CTNNA2: variants seen among roughly 807,000 people sequenced by gnomAD.
CTNNA2 encodes catenin alpha 2.
In CTNNA2, 42 loss-of-function variants were observed where a neutral mutation model predicts 101.0. The ratio of observed to expected loss-of-function variants is 0.42; its 90% confidence interval spans 0.32 to 0.54. The LOEUF is 0.54. CTNNA2 is among the 20% of genes least tolerant of loss of function. The pLI, the probability that CTNNA2 is intolerant of heterozygous loss-of-function variation, is 0.14. For synonymous variants in CTNNA2, 450 were observed against 456.4 expected, an observed-to-expected ratio of 0.99 and a Z score of 0.18; for missense variants, 871 against 1,223.1, an observed-to-expected ratio of 0.71 and a Z score of 4.29.
intron 12 of CTNNA2, among the ~76,000 whole-genome samples, chr2:80,568,310 T>A (rs915748528): frequency 2.6e-5 from 4 of 152,226 alleles, no homozygotes; most frequent in African/African-American, 9.6e-5. Context: ...CTACTCACTT[T>A]GTCCGTGAAA....
chr2:79,256,752 C>T (rs1367645270), intron 2 of CTNNA2, among the ~76,000 whole-genome samples: 1 of 152,142 alleles, frequency 6.6e-6, no homozygotes, highest in Non-Finnish European at 1.5e-5. Context: ...AGTCACTGCC[C>T]AGTTCTTCAA....
chr2:80,106,127 C>T (rs975581970), intron 7 of CTNNA2, among the ~76,000 whole-genome samples: 6 of 152,122 alleles, frequency 3.9e-5, no homozygotes, highest in African/African-American at 1.2e-4. Flanking sequence ...TTAACTGAGT[C>T]GTTGTATGTA....
chr2:80,324,828 C>T (rs1467486328), intron 7 of CTNNA2, among the ~76,000 whole-genome samples: 1 of 152,022 alleles, frequency 6.6e-6, no homozygotes, highest in Non-Finnish European at 1.5e-5. Flanking sequence ...TATGAATGCC[C>T]TTCCTCCCAT....
At chr2:80,379,777 C>T (rs1444532836) in intron 7 of CTNNA2, among the ~76,000 whole-genome samples, 1 of 152,038 alleles carries the variant, frequency 6.6e-6, no homozygotes, top group Non-Finnish European at 1.5e-5. Context: ...GGAAAATTTC[C>T]ATGCCCTACC....
At chr2:80,235,628 C>T (rs1174310989) in intron 7 of CTNNA2, among the ~76,000 whole-genome samples, 1 of 152,118 alleles carries the variant, frequency 6.6e-6, no homozygotes, top group Non-Finnish European at 1.5e-5. Flanking sequence ...GGGATCACTC[C>T]CATTTGCCTG....
At chr2:79,383,437 G>A (rs951987834) in intron 4 of CTNNA2, among the ~76,000 whole-genome samples, 8 of 152,174 alleles carry the variant, frequency 5.3e-5, no homozygotes, top group Non-Finnish European at 8.8e-5. Flanking sequence ...CATGGGACTG[G>A]GGGAGGGTGA....
intron 3 of CTNNA2, among the ~76,000 whole-genome samples, chr2:79,835,682 T>TTTTTTTTTTGTTTGTTTG (rs1679296548): frequency 2.3e-5 from 3 of 128,890 alleles, no homozygotes; most frequent in African/African-American, 9.4e-5. Context: ...TTTTTTTTTT[T>TTTTTTTTTTGTTTGTTTG]TTTTTTTTTT....
intron 4 of CTNNA2, among the ~76,000 whole-genome samples, chr2:79,465,778 C>T (rs532167575): frequency 1.7e-5 from 2 of 120,720 alleles, no homozygotes; most frequent in South Asian, 5.8e-4. Context: ...ATTTGGCTCT[C>T]TGTTTGTTTG....
chr2:79,737,317 C>T (rs1384306532), intron 2 of CTNNA2, among the ~76,000 whole-genome samples: 1 of 151,390 alleles, frequency 6.6e-6, no homozygotes, highest in Non-Finnish European at 1.5e-5. Flanking sequence ...CCACCACTCT[C>T]CAGCCTGGGC....
intron 3 of CTNNA2, among the ~76,000 whole-genome samples, chr2:79,800,918 A>G (rs1417446030): frequency 6.6e-6 from 1 of 152,186 alleles, no homozygotes; most frequent in Non-Finnish European, 1.5e-5. Context: ...TTTACTGAAA[A>G]GAACTGGTCC....
At chr2:80,599,347 T>G (rs1181316108) in intron 15 of CTNNA2, among the ~76,000 whole-genome samples, 1 of 152,154 alleles carries the variant, frequency 6.6e-6, no homozygotes, top group Non-Finnish European at 1.5e-5. Context: ...AGCTTTAGAA[T>G]CCACTTGAAA....
At chr2:79,521,869 A>G (rs1303442293) in intron 1 of CTNNA2, among the ~76,000 whole-genome samples, 1 of 152,152 alleles carries the variant, frequency 6.6e-6, no homozygotes, top group African/African-American at 2.4e-5. Context: ...CTGGAGGGGC[A>G]GGGAATCTGG....
chr2:80,019,591 G>T (rs895790350), intron 7 of CTNNA2, among the ~76,000 whole-genome samples: 1 of 152,108 alleles, frequency 6.6e-6, no homozygotes, highest in African/African-American at 2.4e-5. Context: ...AATCTCTTCT[G>T]CCCTAAGGAA....
At position 80,515,279 on chromosome 2, in the gene CTNNA2, C is replaced by CTT. The variant is rs530921491; in HGVS notation, c.1291-29702_1291-29701insTT. On this transcript the variant is annotated intron_variant, in intron 9 of 18. Coordinates refer to ENST00000402739, the MANE Select transcript of CTNNA2 (RefSeq NM_001282597.3). ...ACCATCACCAAGAGAATGCCCAGCT[C>CTT]TGTTCTTCTTTGATGGAAATTTCTC... Among the ~76,000 whole-genome samples, 507 of 151,964 alleles carry CTT rather than the reference C, an allele frequency of 3.3e-3. 4 individuals carry two copies. The highest frequency in any genetic ancestry group is 0.012 in the African/African-American group (481 of 41,428).
chr2:79,613,846 G>C (rs1678450755), intron 1 of CTNNA2, among the ~76,000 whole-genome samples: 5 of 152,082 alleles, frequency 3.3e-5, no homozygotes, highest in Admixed American at 2.6e-4. Flanking sequence ...CAATATGCGT[G>C]CGTGGATTAT....
intron 6 of CTNNA2, among the ~76,000 whole-genome samples, chr2:79,881,260 G>A (rs1289377743): frequency 6.6e-6 from 1 of 152,218 alleles, no homozygotes; most frequent in Admixed American, 6.5e-5. Flanking sequence ...TAAGTGCCAT[G>A]TGGCACTGAG....
chr2:80,024,946 G>C (rs546356986), intron 7 of CTNNA2, among the ~76,000 whole-genome samples: 1 of 152,162 alleles, frequency 6.6e-6, no homozygotes, highest in Non-Finnish European at 1.5e-5. Flanking sequence ...TTGAGCAGTG[G>C]AAGTGGGTCT....
chr2:79,604,523 G>T (rs1677759652), intron 1 of CTNNA2, among the ~76,000 whole-genome samples: 1 of 152,162 alleles, frequency 6.6e-6, no homozygotes, highest in African/African-American at 2.4e-5. Context: ...AGACTTTCAG[G>T]ACAGAATACT....
chr2:80,285,535 A>C (rs1394467731), intron 7 of CTNNA2, among the ~76,000 whole-genome samples: 5 of 152,140 alleles, frequency 3.3e-5, no homozygotes, highest in Non-Finnish European at 7.4e-5. Flanking sequence ...GGAGAGGTGA[A>C]TGGTCATCTT....
Sources: gnomAD v4.1 joint callset for allele counts (sites outside exome capture counted in the v4.1 genomes callset) on GRCh38, gnomAD v4.1.1 for gene constraint, MANE v1.5 for transcripts, NCBI Gene and HGNC (gene_info 2026-07-23, HGNC 2026-07-21) for gene names.